Variants in PTPRQ observed in about 807,000 individuals in gnomAD.
The protein encoded by PTPRQ is phosphatidylinositol phosphatase PTPRQ.
In PTPRQ, 199 loss-of-function variants were observed where a neutral mutation model predicts 246.0. The ratio of observed to expected loss-of-function variants is 0.81; its 90% CI spans 0.72 to 0.91. PTPRQ has a LOEUF of 0.91. Among genes scored for constraint, PTPRQ ranks in the 40% least tolerant of loss-of-function variants. PTPRQ has a pLI of 0.00. For missense variants in PTPRQ, 2,624 were observed against 2,528.4 expected, an observed-to-expected ratio of 1.04 and a Z score of -0.81; for synonymous variants, 869 against 853.2, an observed-to-expected ratio of 1.02 and a Z score of -0.32.
chr12:80,448,081 G>A (rs1039383073), intron 3 of PTPRQ, among the ~76,000 whole-genome samples: 1 of 151,934 alleles, frequency 6.6e-6, no homozygotes, highest in African/African-American at 2.4e-5. Flanking sequence ...GTGTCTTGTA[G>A]TTCTCCTTGT....
At chr12:80,502,846 A>G (rs1248577921) in intron 14 of PTPRQ, among the ~76,000 whole-genome samples, 1 of 151,826 alleles carries the variant, frequency 6.6e-6, no homozygotes, top group South Asian at 2.1e-4. Context: ...AAGGTGGGGG[A>G]AAAGATTATT....
In PTPRQ at chr12:80,603,158, TC is replaced by T. The variant is rs1188182351; in HGVS notation, c.4610-1900del. Among the ~76,000 whole-genome samples the T allele has an allele frequency of 3.3e-5, 5 of 151,844 alleles. No individual in the cohort carries two copies. In the East Asian group the frequency reaches 9.8e-4, roughly 30 times the overall value. On this transcript the variant is annotated intron_variant, in intron 26 of 44. Coordinates refer to ENST00000644991, the MANE Select transcript of PTPRQ (RefSeq NM_001145026.2). ...GCACCCACATCAAATTATTCCGAGT[TC>T]TTTTTATTAATCTTTCTATAGTGAC... is the stretch of plus-strand genomic sequence containing the variant.
At chr12:80,514,626 T>A (rs1895233814) in intron 17 of PTPRQ, among the ~76,000 whole-genome samples, 5 of 142,412 alleles carry the variant, frequency 3.5e-5, no homozygotes. Flanking sequence ...TTATACAAAT[T>A]TTTAAATATA....
In PTPRQ at chr12:80,506,120, T is replaced by TA; in HGVS notation, c.2370dup (p.Gln791ThrfsTer11). ...CCCCCAAGTAGTCCCAATGGAATCA[T>TA]ACAAAAATATACAATTTATCTCAAG... On this transcript the variant is annotated frameshift_variant, in exon 15 of 45. Transcript: ENST00000644991. LOFTEE classifies it high-confidence loss of function. The TA allele has an allele frequency of 1.3e-6, 2 of 1,541,224 alleles. No individual in the cohort carries two copies. The highest frequency in any genetic ancestry group is 1.7e-6 in the Non-Finnish European group (2 of 1,143,072).
chr12:80,508,528 G>C (rs1166263864), intron 16 of PTPRQ, among the ~76,000 whole-genome samples: 1 of 151,922 alleles, frequency 6.6e-6, no homozygotes, highest in African/African-American at 2.4e-5. Context: ...AGAGGAGTGA[G>C]AGATTTGTGA....
At chr12:80,644,733 T>G (rs1900008183) in intron 35 of PTPRQ, among the ~76,000 whole-genome samples, 1 of 152,064 alleles carries the variant, frequency 6.6e-6, no homozygotes, top group Non-Finnish European at 1.5e-5. Flanking sequence ...TATAAATCAG[T>G]CAAATTAATT....
At chr12:80,653,061 A>G (rs1406778708) in intron 38 of PTPRQ, among the ~76,000 whole-genome samples, 1 of 152,164 alleles carries the variant, frequency 6.6e-6, no homozygotes, top group African/African-American at 2.4e-5. Context: ...ATGCAGGTGC[A>G]AGAAACTGTA....
In PTPRQ at chr12:80,468,585, A is replaced by C; in HGVS notation, c.911-125A>C. Reference sequence around the variant, plus strand: ...CATTTATTCTTTTTTAAGATAAAAAAACTCTGCTTTTAAGCGCGATATTTT... The same window carrying C: ...CATTTATTCTTTTTTAAGATAAAAACACTCTGCTTTTAAGCGCGATATTTT... On this transcript the variant is annotated intron_variant, in intron 6 of 44. Coordinates refer to ENST00000644991, the MANE Select transcript of PTPRQ (RefSeq NM_001145026.2). 4 of 959,054 alleles carry C rather than the reference A, an allele frequency of 4.2e-6. No homozygotes were observed. In the South Asian group the frequency reaches 8.4e-5, roughly 20 times the overall value. The allele number at this position is 959,054 out of a possible 1,614,324, so 59.4% of individuals were successfully genotyped here.
rs184121804 is a variant in PTPRQ at position 80,499,568 on chromosome 12, T to C, written c.2272+3037T>C. On this transcript the variant is annotated intron_variant, in intron 14 of 44. Coordinates refer to ENST00000644991, the MANE Select transcript of PTPRQ (RefSeq NM_001145026.2). The stretch of plus-strand genomic sequence containing the variant: ...TATACCTTCTATTCATGTAAAAAAA[T>C]ATGGGCCCACTCTTCAATATTGTTT... Among the ~76,000 whole-genome samples, 748 of 152,092 alleles carry C rather than the reference T, an allele frequency of 4.9e-3. 5 individuals carry two copies. The highest frequency in any genetic ancestry group is 0.017 in the African/African-American group (707 of 41,528).
chr12:80,542,939 C>G (rs900554241), intron 23 of PTPRQ, 58 bp downstream of exon 23: 2 of 1,199,322 alleles, frequency 1.7e-6, no homozygotes, highest in African/African-American at 3.2e-5. Flanking sequence ...GAATTAAAAT[C>G]TTTTGACATA....
At chr12:80,631,408 AAAT>A (rs1423260857) in intron 33 of PTPRQ, among the ~76,000 whole-genome samples, 1 of 152,128 alleles carries the variant, frequency 6.6e-6, no homozygotes, top group Non-Finnish European at 1.5e-5. Flanking sequence ...TTCTTTTATT[AAAT>A]AATCTTATTT....
At chr12:80,540,787 A>G (rs141709596) in intron 20 of PTPRQ, among the ~76,000 whole-genome samples, 7 of 152,214 alleles carry the variant, frequency 4.6e-5, no homozygotes, top group African/African-American at 1.7e-4. Flanking sequence ...CAAAAATGTT[A>G]TATTGTAATA....
chr12:80,467,308 T>G (rs1250646612), intron 6 of PTPRQ, among the ~76,000 whole-genome samples: 5 of 152,044 alleles, frequency 3.3e-5, no homozygotes, highest in African/African-American at 1.2e-4. Flanking sequence ...CACAATGAGA[T>G]ACCATCTCAC....
intron 17 of PTPRQ, among the ~76,000 whole-genome samples, chr12:80,513,866 C>T (rs1018711133): frequency 6.6e-5 from 10 of 152,286 alleles, no homozygotes; most frequent in Admixed American, 6.5e-5. Context: ...TAGCTAGATA[C>T]TCCCGGCTGA....
Position 80,546,567 on chromosome 12 carries a change from A to T in PTPRQ, c.3885A>T (p.Gly1295=). Reference sequence around the variant, plus strand: ...TTTCTGTTTTTCAGAATATATCAGGATTTAAAACTGAAGCCAAACTTGTTG... The same window carrying T: ...TTTCTGTTTTTCAGAATATATCAGGTTTTAAAACTGAAGCCAAACTTGTTG... ...TDTIYYKNIS[G]FKTEAKLVGL... Residue 1295 remains glycine, a synonymous_variant, in exon 24 of 45, where the codon GGA becomes GGT. Transcript: ENST00000644991. 4 of 1,548,474 alleles carry T rather than the reference A, an allele frequency of 2.6e-6. No individual in the cohort carries two copies. Among genetic ancestry groups the T allele is most frequent in the South Asian group, 2.4e-5 (2 of 82,732 alleles).
chr12:80,491,347 A>G (rs1487490900), intron 9 of PTPRQ, among the ~76,000 whole-genome samples: 1 of 151,946 alleles, frequency 6.6e-6, no homozygotes, highest in African/African-American at 2.4e-5. Context: ...TTGGGCATAA[A>G]GTATTGACTG....
chr12:80,493,274 G>A lies in PTPRQ; in HGVS notation c.1360-1G>A. On this transcript the variant is annotated splice_acceptor_variant, in intron 9 of 44. Coordinates refer to ENST00000644991, the MANE Select transcript of PTPRQ (RefSeq NM_001145026.2). LOFTEE classifies it high-confidence loss of function. ...TTTAAAATATCTACTTTTAATTACAGTATATAAATGACCCCATGGCTCCAG... is the reference window on the plus strand; with the variant it reads ...TTTAAAATATCTACTTTTAATTACAATATATAAATGACCCCATGGCTCCAG... The A allele has an allele frequency of 1.3e-6, 2 of 1,511,710 alleles. No homozygotes were observed. Among genetic ancestry groups the A allele is most frequent in the Non-Finnish European group, 1.8e-6 (2 of 1,129,538 alleles). 93.6% of individuals were successfully genotyped at this position (1,511,710 alleles called of 1,614,324 possible). A position where few individuals can be genotyped will look rare whatever the true frequency, so the allele number is the denominator to read the frequency against.
At chr12:80,664,643 T>C (rs1349079245) in intron 39 of PTPRQ, among the ~76,000 whole-genome samples, 1 of 152,050 alleles carries the variant, frequency 6.6e-6, no homozygotes, top group East Asian at 1.9e-4. Context: ...CCTTGAAGAA[T>C]TGTCAACACT....
At chr12:80,610,703 A>G in intron 28 of PTPRQ, 78 bp downstream of exon 28, 3 of 1,485,032 alleles carry the variant, frequency 2.0e-6, no homozygotes, top group Non-Finnish European at 2.7e-6. Context: ...TACTCCACCA[A>G]AAAAGGATAT....
Sources: gnomAD v4.1 joint callset for allele counts (sites outside exome capture counted in the v4.1 genomes callset) on GRCh38, gnomAD v4.1.1 for gene constraint, MANE v1.5 for transcripts, NCBI Gene and HGNC (gene_info 2026-07-23, HGNC 2026-07-21) for gene names.